The following INPP5A variants were observed in gnomAD, a reference collection of about 807,000 sequenced individuals.
INPP5A encodes the protein 43 kDa inositol polyphosphate 5-phophatase.
Under a neutral mutation model 65.2 loss-of-function variants are expected in INPP5A, and 14 were observed. The ratio of observed to expected loss-of-function variants is 0.21; its 90% CI spans 0.14 to 0.34. The LOEUF is 0.34. Among genes scored for constraint, INPP5A ranks in the 10% least tolerant of loss-of-function variants. The probability of loss-of-function intolerance (pLI) is 1.00; values close to 1 mark genes in which losing one functional copy is unlikely to be tolerated. For synonymous variants in INPP5A, 207 were observed against 208.3 expected, an observed-to-expected ratio of 0.99 and a Z score of 0.05; for missense variants, 431 against 545.6, an observed-to-expected ratio of 0.79 and a Z score of 2.09.
chr10:132,586,834 C>T (rs1009117082), intron 1 of INPP5A, among the ~76,000 whole-genome samples: 6 of 152,144 alleles, frequency 3.9e-5, no homozygotes, highest in East Asian at 1.9e-4. Context: ...GGCGGCGCAG[C>T]GCGGCGAGGC....
At chr10:132,559,333 G>A (rs192357901) in intron 1 of INPP5A, among the ~76,000 whole-genome samples, 8 of 152,352 alleles carry the variant, frequency 5.3e-5, no homozygotes, top group Admixed American at 4.6e-4. Flanking sequence ...TGTGTTGGCT[G>A]CATTTATTGT....
chr10:132,625,862 GTGTGTGTGTGTGTGTT>G (rs1352292477), intron 2 of INPP5A, among the ~76,000 whole-genome samples: 2 of 150,108 alleles, frequency 1.3e-5, no homozygotes, highest in African/African-American at 4.9e-5. Context: ...GTGTGTGTGT[GTGTGTGTGTGTGTGTT>G]TGTGTGTGTG....
At chr10:132,755,740 G>A (rs975720625) in intron 11 of INPP5A, among the ~76,000 whole-genome samples, 18 of 152,078 alleles carry the variant, frequency 1.2e-4, no homozygotes, top group Non-Finnish European at 1.8e-4. Context: ...CCTAGCGGCA[G>A]CCGCTGAGGC....
intron 1 of INPP5A, among the ~76,000 whole-genome samples, chr10:132,561,651 A>G (rs549847003): frequency 2.8e-4 from 43 of 151,776 alleles, no homozygotes; most frequent in African/African-American, 1.0e-3. Context: ...GTTGTCTTTT[A>G]TTCAAGATTG....
At chr10:132,620,361 G>A (rs1488083083) in intron 2 of INPP5A, among the ~76,000 whole-genome samples, 2 of 152,046 alleles carry the variant, frequency 1.3e-5, no homozygotes, top group Non-Finnish European at 2.9e-5. Flanking sequence ...TCAAACTTTT[G>A]TGCTCTGCTT....
chr10:132,581,216 A>G (rs1302207182), intron 1 of INPP5A, among the ~76,000 whole-genome samples: 1 of 152,198 alleles, frequency 6.6e-6, no homozygotes, highest in African/African-American at 2.4e-5. Context: ...ATGGCTGAAT[A>G]GTAGTCCTTT....
chr10:132,642,294 T>C (rs1025372363), intron 2 of INPP5A, among the ~76,000 whole-genome samples: 1 of 152,186 alleles, frequency 6.6e-6, no homozygotes, highest in African/African-American at 2.4e-5. Context: ...CTGTGCAGTG[T>C]CCGGCGGGCT....
chr10:132,737,563 C>T (rs1266489930), intron 9 of INPP5A, among the ~76,000 whole-genome samples: 2 of 152,240 alleles, frequency 1.3e-5, no homozygotes, highest in Non-Finnish European at 2.9e-5. Flanking sequence ...ACGTGCCCAG[C>T]GTGCTCTGGA....
rs1845367731 is a variant in INPP5A, at chr10:132,697,711, C to T, written c.371-105C>T. The T allele has an allele frequency of 5.1e-6, 4 of 784,426 alleles. No individual in the cohort carries two copies. The highest frequency in any genetic ancestry group is 3.1e-5 in the South Asian group (2 of 64,552). 48.6% of individuals were successfully genotyped at this position (784,426 alleles called of 1,614,324 possible). On this transcript the variant is annotated intron_variant, in intron 5 of 15. Coordinates refer to ENST00000368594, the MANE Select transcript of INPP5A (RefSeq NM_005539.5). The surrounding 1 kb of genome is among the most constrained non-coding windows in gnomAD (Gnocchi z 5.6). ...CAGGGCCTCCTCTCGGGGGGCCTCT[C>T]TGGCTCCCATCGGGCTGAAGTCGGG...
At position 132,650,282 on chromosome 10, in the gene INPP5A, C is replaced by T. The variant is rs878912713; in HGVS notation, c.219-136C>T. On this transcript the variant is annotated intron_variant, in intron 3 of 15. Transcript: ENST00000368594. This position sits in a 1 kb window ranked among gnomAD's most constrained non-coding sequence, Gnocchi z 5.5. ...TGCGGTGGCTGCCGCCATTCCCTGCCCTCTGCCTGTCACGGGTGGATGGTC... is the reference window on the plus strand; with the variant it reads ...TGCGGTGGCTGCCGCCATTCCCTGCTCTCTGCCTGTCACGGGTGGATGGTC... 142 of 663,578 alleles carry T rather than the reference C, an allele frequency of 2.1e-4. 1 individual carries two copies. The highest frequency in any genetic ancestry group is 1.7e-3 in the South Asian group (103 of 59,690). The allele number at this position is 663,578 out of a possible 1,614,324, so 41.1% of individuals were successfully genotyped here. A position where few individuals can be genotyped will look rare whatever the true frequency, so the allele number is the denominator to read the frequency against.
At chr10:132,607,848 T>C in intron 1 of INPP5A, 67 bp from the exon 2 acceptor site, 1 of 1,477,592 alleles carries the variant, frequency 6.8e-7, no homozygotes, top group South Asian at 1.1e-5. Flanking sequence ...CACAGGAGCT[T>C]GTCCTGGCTC....
rs190901630 is a variant in INPP5A at position 132,616,063 on chromosome 10, A to T, written c.117+8107A>T. Among the ~76,000 whole-genome samples the T allele has an allele frequency of 2.6e-5, 4 of 152,132 alleles. 1 individual carries two copies. On this transcript the variant is annotated intron_variant, in intron 2 of 15. Coordinates refer to ENST00000368594, the MANE Select transcript of INPP5A (RefSeq NM_005539.5). This position sits in a 1 kb window ranked among gnomAD's most constrained non-coding sequence, Gnocchi z 4.9. The stretch of plus-strand genomic sequence containing the variant: ...CGGGTCCTGTGGGGAGCGGTGAGGG[A>T]TGGTCGTGTGCGTCGTTTTAGGAGC...
chr10:132,766,595 ATG>A (rs576739533), intron 12 of INPP5A, among the ~76,000 whole-genome samples: 65 of 152,280 alleles, frequency 4.3e-4, no homozygotes, highest in African/African-American at 1.5e-3. Context: ...ATGGTTGCAT[ATG>A]TGAGCATGAG....
intron 5 of INPP5A, among the ~76,000 whole-genome samples, chr10:132,691,898 CGGTCGCGGGAGACGTGT>C (rs1188172163): frequency 3.4e-5 from 5 of 149,086 alleles, no homozygotes; most frequent in Non-Finnish European, 7.4e-5. Flanking sequence ...GGGAGACATG[CGGTCGCGGGAGACGTGT>C]GGTCGCGGGG....
chr10:132,719,532 C>T (rs1268789083), intron 8 of INPP5A, among the ~76,000 whole-genome samples: 3 of 107,978 alleles, frequency 2.8e-5, no homozygotes, highest in South Asian at 3.3e-4. Flanking sequence ...GGCTGTCTTG[C>T]GGGTTCTGTG....
At chr10:132,571,024 C>T (rs930303684) in intron 1 of INPP5A, among the ~76,000 whole-genome samples, 5 of 152,232 alleles carry the variant, frequency 3.3e-5, no homozygotes, top group African/African-American at 7.2e-5. Flanking sequence ...CCCGTGGGTT[C>T]GGGGCGTTGG....
intron 2 of INPP5A, among the ~76,000 whole-genome samples, chr10:132,631,499 C>T (rs543650057): frequency 2.0e-5 from 3 of 152,366 alleles, no homozygotes; most frequent in South Asian, 2.1e-4. Context: ...TCCCTCTGCG[C>T]GCCTTATCTT....
At chr10:132,725,877 CT>C (rs1193709909) in intron 8 of INPP5A, among the ~76,000 whole-genome samples, 2 of 152,236 alleles carry the variant, frequency 1.3e-5, no homozygotes, top group East Asian at 3.9e-4. Flanking sequence ...AGAGTATTTC[CT>C]TTTTTTGTCT....
chr10:132,756,423 T>C (rs777535913), intron 11 of INPP5A, among the ~76,000 whole-genome samples: 3 of 152,316 alleles, frequency 2.0e-5, no homozygotes, highest in African/African-American at 7.2e-5. Context: ...TGTGCGTGTG[T>C]GTATACAGTC....
Sources: gnomAD v4.1 joint callset for allele counts (sites outside exome capture counted in the v4.1 genomes callset) on GRCh38, gnomAD v4.1.1 for gene constraint, Gnocchi (gnomAD v3.1) non-coding constraint, MANE v1.5 for transcripts, NCBI Gene and HGNC (gene_info 2026-07-23, HGNC 2026-07-21) for gene names.